Variants in SVIL observed in about 807,000 individuals in gnomAD.
SVIL encodes the protein archvillin.
A neutral mutation model predicts 240.4 loss-of-function variants in SVIL; 101 were observed. The ratio of observed to expected loss-of-function variants is 0.42; its 90% CI spans 0.36 to 0.50. The LOEUF (loss-of-function observed/expected upper bound fraction) is 0.50, where lower values mean the gene tolerates loss of function less well. Ranked by LOEUF, SVIL falls within the 20% of genes least tolerant of loss-of-function variation. SVIL has a pLI of 0.01. For synonymous variants in SVIL, 999 were observed against 1,100.0 expected, an observed-to-expected ratio of 0.91 and a Z score of 1.82; for missense variants, 2,512 against 2,818.7, an observed-to-expected ratio of 0.89 and a Z score of 2.46.
At chr10:29,613,890 A>G (rs1287426042) in intron 1 of SVIL, among the ~76,000 whole-genome samples, 1 of 152,206 alleles carries the variant, frequency 6.6e-6, no homozygotes, top group Non-Finnish European at 1.5e-5. Flanking sequence ...CTTACATATG[A>G]ATTCCAAAAG....
intron 1 of SVIL, among the ~76,000 whole-genome samples, chr10:29,629,959 G>A (rs1958022333): frequency 7.4e-6 from 1 of 135,308 alleles, no homozygotes; most frequent in Non-Finnish European, 1.7e-5. Context: ...CAACCTGGGT[G>A]ACCAGGCAAG....
At chr10:29,622,539 G>C (rs1274351324) in intron 1 of SVIL, among the ~76,000 whole-genome samples, 2 of 152,068 alleles carry the variant, frequency 1.3e-5, no homozygotes, top group East Asian at 1.9e-4. Flanking sequence ...CAGTTCGCTG[G>C]GTAATCACAA....
At chr10:29,726,301 G>A (rs186079036) in intron 1 of SVIL, among the ~76,000 whole-genome samples, 3 of 152,268 alleles carry the variant, frequency 2.0e-5, no homozygotes, top group East Asian at 3.9e-4. Flanking sequence ...ATGGTTAGAG[G>A]AGGAAAAGTA....
intron 1 of SVIL, among the ~76,000 whole-genome samples, chr10:29,581,076 A>G (rs1173062906): frequency 2.0e-5 from 3 of 152,226 alleles, no homozygotes; most frequent in African/African-American, 7.2e-5. Flanking sequence ...GATTTTAATG[A>G]AATCTACTAT....
intron 1 of SVIL, among the ~76,000 whole-genome samples, chr10:29,691,073 A>G (rs987111088): frequency 6.6e-6 from 1 of 152,212 alleles, no homozygotes; most frequent in Admixed American, 6.5e-5. Context: ...AAAGACTAAA[A>G]GAATATTTTT....
chr10:29,641,877 G>T (rs1958497140), intron 3 of SVIL, among the ~76,000 whole-genome samples: 1 of 152,196 alleles, frequency 6.6e-6, no homozygotes, highest in Admixed American at 6.5e-5. Flanking sequence ...GCGATTACTT[G>T]TGTTGGTGGA....
intron 1 of SVIL, among the ~76,000 whole-genome samples, chr10:29,692,941 A>C (rs770227939): frequency 2.0e-5 from 3 of 152,300 alleles, no homozygotes; most frequent in Non-Finnish European, 4.4e-5. Flanking sequence ...CATAGTCCTT[A>C]ACCATATATG....
chr10:29,631,023 A>G (rs1958067205), intron 1 of SVIL, among the ~76,000 whole-genome samples: 1 of 152,192 alleles, frequency 6.6e-6, no homozygotes, highest in African/African-American at 2.4e-5. Context: ...CCTAGAGTAC[A>G]GGCTGGAGTC....
chr10:29,581,208 G>A (rs1457493736), intron 1 of SVIL, among the ~76,000 whole-genome samples: 5 of 152,142 alleles, frequency 3.3e-5, no homozygotes, highest in Admixed American at 3.3e-4. Flanking sequence ...TTTCTTTGGT[G>A]GATTTTCTTT....
In SVIL at chr10:29,463,373, G is replaced by C; in HGVS notation, c.6277+119C>G. ...AAATTGGTTTCATCACCACCTGCCA[G>C]GCTTTATGGATGGATGCTGGCTGAC... On this transcript the variant is annotated intron_variant, in intron 35 of 37. Coordinates refer to ENST00000355867, the MANE Select transcript of SVIL (RefSeq NM_021738.3). 3 of 1,343,678 alleles carry C rather than the reference G, an allele frequency of 2.2e-6. No homozygotes were observed. In the South Asian group the frequency reaches 5.1e-5, roughly 23 times the overall value. 83.2% of individuals were successfully genotyped at this position (1,343,678 alleles called of 1,614,324 possible).
chr10:29,687,349 A>G lies in SVIL; in HGVS notation c.-399-698T>C, dbSNP rs539337186. 3.3e-5 allele frequency among the ~76,000 whole-genome samples: 5 copies of G among 152,288 alleles called. No homozygotes were observed. In the South Asian group the frequency reaches 8.3e-4, roughly 25 times the overall value. Reference sequence around the variant, plus strand: ...TTTTTTCTCTTCAAACATTCACCTTACCGTATGCAAAATGTAGATTTACTG... The same window carrying G: ...TTTTTTCTCTTCAAACATTCACCTTGCCGTATGCAAAATGTAGATTTACTG... On this transcript the variant is annotated intron_variant, in intron 1 of 35. Coordinates refer to the SVIL transcript ENST00000375400.
chr10:29,538,507 G>A (rs1274581303), intron 6 of SVIL, among the ~76,000 whole-genome samples: 1 of 152,254 alleles, frequency 6.6e-6, no homozygotes, highest in Non-Finnish European at 1.5e-5. Context: ...AGGAGAGCCT[G>A]TGCTTGGAAT....
Position 29,488,579 on chromosome 10 carries a change from G to C in SVIL, c.4348+22C>G, listed in dbSNP as rs140019869. 118 of 1,560,392 alleles carry C rather than the reference G, an allele frequency of 7.6e-5. 1 individual carries two copies. In the South Asian group the frequency reaches 1.3e-3, roughly 18 times the overall value. On this transcript the variant is annotated intron_variant, in intron 23 of 37. Transcript: ENST00000355867. ...CAGAAACCACGGGCCCTGAGTCACC[G>C]TGCCAGGCTGCTCTGAAATACCTTT... is the stretch of plus-strand genomic sequence containing the variant.
rs755935020 is a variant in SVIL, at chr10:29,488,677, C to T, written c.4272G>A (p.Arg1424=). 2.5e-6 allele frequency: 4 copies of T among 1,613,070 alleles called. No individual in the cohort carries two copies. The highest frequency in any genetic ancestry group is 3.4e-6 in the Non-Finnish European group (4 of 1,179,614). Residue 1424 remains arginine, a synonymous_variant, in exon 23 of 38, where the codon CGG becomes CGA. Coordinates refer to ENST00000355867, the MANE Select transcript of SVIL (RefSeq NM_021738.3). ...AGTTCTGTTCCGTCAGGTTGACGCT[C>T]CGCAGGCTGACGTTGCTGAAGTTTT... The part of the protein sequence containing the change: ...SKENFSNVSL[R]SVNLTEQNSN...
chr10:29,534,279 G>T (rs1221306874), intron 7 of SVIL, among the ~76,000 whole-genome samples: 1 of 152,204 alleles, frequency 6.6e-6, no homozygotes, highest in Non-Finnish European at 1.5e-5. Flanking sequence ...TGGGCAGGAG[G>T]ATCATTTGAG....
At chr10:29,553,449 C>A (rs552820766) in intron 5 of SVIL, among the ~76,000 whole-genome samples, 33 of 152,122 alleles carry the variant, frequency 2.2e-4, no homozygotes, top group African/African-American at 6.5e-4. Flanking sequence ...GGTATGGTGG[C>A]GGGCACCTGT....
At chr10:29,598,585 T>C (rs1956688171) in intron 1 of SVIL, among the ~76,000 whole-genome samples, 1 of 152,184 alleles carries the variant, frequency 6.6e-6, no homozygotes, top group Non-Finnish European at 1.5e-5. Flanking sequence ...GAGCTGCAAA[T>C]GCCAGCATGC....
intron 3 of SVIL, among the ~76,000 whole-genome samples, chr10:29,657,398 G>T (rs995526207): frequency 6.6e-6 from 1 of 152,160 alleles, no homozygotes; most frequent in African/African-American, 2.4e-5. Flanking sequence ...TTTGAAGAAG[G>T]TCATTTAACT....
intron 2 of SVIL, among the ~76,000 whole-genome samples, chr10:29,677,571 G>A (rs1286947535): frequency 1.3e-5 from 2 of 152,076 alleles, no homozygotes; most frequent in South Asian, 2.1e-4. Context: ...CTATAGCTGT[G>A]CAGCACTATG....
Sources: gnomAD v4.1 joint callset for allele counts (sites outside exome capture counted in the v4.1 genomes callset) on GRCh38, gnomAD v4.1.1 for gene constraint, MANE v1.5 for transcripts, NCBI Gene and HGNC (gene_info 2026-07-23, HGNC 2026-07-21) for gene names.